The following HDAC4 variants were observed in gnomAD, a reference collection of about 807,000 sequenced individuals.
HDAC4 encodes histone deacetylase A.
Under a neutral mutation model 135.1 loss-of-function variants are expected in HDAC4, and 16 were observed. The observed-to-expected ratio is 0.12, with a 90% CI of 0.08 to 0.18. HDAC4 has a LOEUF of 0.18. Among genes scored for constraint, HDAC4 ranks in the 10% least tolerant of loss-of-function variants. The pLI, the probability that HDAC4 is intolerant of heterozygous loss-of-function variation, is 1.00. For synonymous variants in HDAC4, 685 were observed against 653.4 expected (o/e 1.05, Z -0.74); for missense variants, 1,143 against 1,511.8 (o/e 0.76, Z 4.05).
intron 2 of HDAC4, among the ~76,000 whole-genome samples, chr2:239,256,765 C>A (rs1036555100): frequency 7.2e-5 from 11 of 152,246 alleles, no homozygotes; most frequent in African/African-American, 2.7e-4. Flanking sequence ...TGGAGAAACA[C>A]TGACTTGTCA....
At chr2:239,183,401 G>A (rs946195048) in intron 4 of HDAC4, among the ~76,000 whole-genome samples, 2 of 152,344 alleles carry the variant, frequency 1.3e-5, no homozygotes, top group Admixed American at 6.5e-5. Flanking sequence ...CGCATAAAGC[G>A]GCAGGGGCCA....
intron 2 of HDAC4, among the ~76,000 whole-genome samples, chr2:239,248,005 G>A (rs1217331290): frequency 1.3e-5 from 2 of 152,198 alleles, no homozygotes; most frequent in South Asian, 4.1e-4. Context: ...GTGAGATGGG[G>A]AGAGAGTGAG....
chr2:239,392,995 T>C (rs187715430), intron 1 of HDAC4, among the ~76,000 whole-genome samples: 1 of 152,298 alleles, frequency 6.6e-6, no homozygotes, highest in East Asian at 1.9e-4. Flanking sequence ...GCTTCAGTCC[T>C]GACAGCTACT....
At chr2:239,272,101 G>T (rs918633268) in intron 2 of HDAC4, among the ~76,000 whole-genome samples, 2 of 152,194 alleles carry the variant, frequency 1.3e-5, no homozygotes, top group Non-Finnish European at 2.9e-5. Context: ...TGGGAAAAGC[G>T]AATCTAGCCA....
At chr2:239,320,258 TG>T (rs536643279) in intron 2 of HDAC4, among the ~76,000 whole-genome samples, 126 of 151,844 alleles carry the variant, frequency 8.3e-4, no homozygotes, top group African/African-American at 2.8e-3. Flanking sequence ...GGGAGGCGCC[TG>T]TAATCCCAGC....
chr2:239,381,661 C>A lies in HDAC4; in HGVS notation c.-220+19317G>T, dbSNP rs193171497. On this transcript the variant is annotated intron_variant, in intron 1 of 26. Coordinates refer to ENST00000543185, the MANE Select transcript of HDAC4 (RefSeq NM_001378414.1). ...GCTAAATAAATGCTCATGTTCTGGA[C>A]TTAATGACAAGAGAGCTTCTCACCC... Among the ~76,000 whole-genome samples, 318 of 152,322 alleles carry A rather than the reference C, an allele frequency of 2.1e-3. 4 individuals are homozygous for A. Among genetic ancestry groups the A allele is most frequent in the African/African-American group, 7.2e-3 (301 of 41,564 alleles).
chr2:239,305,426 TC>T (rs2052524160), intron 2 of HDAC4: 1 of 152,616 alleles, frequency 6.6e-6, no homozygotes, highest in Non-Finnish European at 1.5e-5. Context: ...GGTCCGCGGC[TC>T]CATTACGGGG....
chr2:239,199,463 C>A (rs2045617415), intron 3 of HDAC4, among the ~76,000 whole-genome samples: 1 of 152,218 alleles, frequency 6.6e-6, no homozygotes, highest in Non-Finnish European at 1.5e-5. Context: ...GTTACTCTCA[C>A]AAACAGCGCT....
chr2:239,358,937 GT>G (rs1693689493), intron 1 of HDAC4, among the ~76,000 whole-genome samples: 1 of 152,114 alleles, frequency 6.6e-6, no homozygotes, highest in Non-Finnish European at 1.5e-5. Context: ...AAGTTATCAG[GT>G]GAGTGCATTT....
In HDAC4 at chr2:239,322,445, T is replaced by C. The variant is rs528698967; in HGVS notation, c.22+30233A>G. 1.1e-4 allele frequency among the ~76,000 whole-genome samples: 17 copies of C among 152,378 alleles called. No individual in the cohort carries two copies. The South Asian group carries it at 2.9e-3, about 26-fold the overall frequency. Reference sequence around the variant, plus strand: ...GTTAGTAGGACCCATCCGTAGGCTGTTGTGGGGATCACAGCTGTAAATATG... The same window carrying C: ...GTTAGTAGGACCCATCCGTAGGCTGCTGTGGGGATCACAGCTGTAAATATG... On this transcript the variant is annotated intron_variant, in intron 2 of 26. Transcript: ENST00000543185.
chr2:239,054,402 G>C (rs533610015), intron 25 of HDAC4, among the ~76,000 whole-genome samples: 177 of 152,240 alleles, frequency 1.2e-3, no homozygotes, highest in African/African-American at 4.1e-3. Context: ...CCAGGGAAGA[G>C]GCCGGAGTCC....
intron 3 of HDAC4, among the ~76,000 whole-genome samples, chr2:239,223,156 T>C (rs991856394): frequency 3.3e-5 from 5 of 152,228 alleles, no homozygotes; most frequent in Admixed American, 6.5e-5. Flanking sequence ...AGAATTTCCT[T>C]CTTAGCAACC....
At chr2:239,095,702 C>T (rs1382021020) in intron 16 of HDAC4, among the ~76,000 whole-genome samples, 3 of 152,182 alleles carry the variant, frequency 2.0e-5, no homozygotes, top group African/African-American at 4.8e-5. Flanking sequence ...CTCTGGCACC[C>T]GCGCCTGCTC....
chr2:239,372,491 C>T (rs930030988), intron 1 of HDAC4, among the ~76,000 whole-genome samples: 9 of 152,228 alleles, frequency 5.9e-5, no homozygotes, highest in African/African-American at 9.6e-5. Context: ...CGCGCACACA[C>T]GCGCGCACAC....
chr2:239,170,628 G>T (rs1180781893), intron 5 of HDAC4, among the ~76,000 whole-genome samples: 1 of 152,184 alleles, frequency 6.6e-6, no homozygotes, highest in African/African-American at 2.4e-5. Flanking sequence ...GTAACTTCAA[G>T]AATTTTTATT....
chr2:239,066,105 C>G (rs2033441797), intron 24 of HDAC4, among the ~76,000 whole-genome samples: 2 of 151,610 alleles, frequency 1.3e-5, no homozygotes, highest in African/African-American at 4.9e-5. Context: ...CAGCGTCATG[C>G]TGGAATGGAA....
intron 12 of HDAC4, among the ~76,000 whole-genome samples, chr2:239,118,171 G>T (rs527459870): frequency 6.6e-6 from 1 of 152,284 alleles, no homozygotes; most frequent in African/African-American, 2.4e-5. Flanking sequence ...GAACATCAGA[G>T]ACTTCAGATT....
chr2:239,255,605 G>C (rs2049009211), intron 2 of HDAC4, among the ~76,000 whole-genome samples: 1 of 152,162 alleles, frequency 6.6e-6, no homozygotes, highest in Admixed American at 6.5e-5. Context: ...CAAAACACTT[G>C]ACACGCCAAC....
intron 15 of HDAC4, among the ~76,000 whole-genome samples, chr2:239,107,312 C>A (rs1203192410): frequency 6.6e-6 from 1 of 152,250 alleles, no homozygotes; most frequent in Non-Finnish European, 1.5e-5. Flanking sequence ...GGGCAGGGCT[C>A]TGGTTCCTAT....
Sources: gnomAD v4.1 joint callset for allele counts (sites outside exome capture counted in the v4.1 genomes callset) on GRCh38, gnomAD v4.1.1 for gene constraint, MANE v1.5 for transcripts, NCBI Gene and HGNC (gene_info 2026-07-23, HGNC 2026-07-21) for gene names.